STK32B: variants seen among roughly 807,000 people sequenced by gnomAD.
The protein encoded by STK32B is serine/threonine kinase 32B.
A neutral mutation model predicts 52.6 loss-of-function variants in STK32B; 43 were observed. The observed-to-expected ratio is 0.82, with a 90% CI of 0.64 to 1.05. The LOEUF (loss-of-function observed/expected upper bound fraction) is 1.05. Among genes scored for constraint, STK32B ranks in the 50% least tolerant of loss-of-function variants. The pLI, the probability that STK32B is intolerant of heterozygous loss-of-function variation, is 0.00. For missense variants in STK32B, 621 were observed against 534.6 expected (o/e 1.16, Z -1.59); for synonymous variants, 238 against 204.3 (o/e 1.17, Z -1.41).
chr4:5,174,101 T>A (rs997942654), intron 3 of STK32B, among the ~76,000 whole-genome samples: 27 of 152,144 alleles, frequency 1.8e-4, no homozygotes, highest in Non-Finnish European at 2.9e-4. Context: ...AAAGTCTGTT[T>A]TATCTGAGAC....
At chr4:5,129,825 G>T (rs1283019921) in intron 1 of STK32B, among the ~76,000 whole-genome samples, 1 of 152,122 alleles carries the variant, frequency 6.6e-6, no homozygotes, top group African/African-American at 2.4e-5. Context: ...AATGTGTACA[G>T]CCAGCACTCC....
At chr4:5,286,168 A>G (rs1728527625) in intron 3 of STK32B, among the ~76,000 whole-genome samples, 1 of 152,192 alleles carries the variant, frequency 6.6e-6, no homozygotes, top group Non-Finnish European at 1.5e-5. Flanking sequence ...TGGCTGTGGT[A>G]CTTTATTATG....
intron 3 of STK32B, among the ~76,000 whole-genome samples, chr4:5,257,314 GATGAGTGAGCAAGTGA>G (rs1046442428): frequency 3.9e-5 from 6 of 151,908 alleles, no homozygotes; most frequent in Admixed American, 6.6e-5. Flanking sequence ...TGAATGAGTA[GATGAGTGAGCAAGTGA>G]ATGAGTGAGC....
intron 1 of STK32B, among the ~76,000 whole-genome samples, chr4:5,054,246 T>C (rs918590586): frequency 1.3e-5 from 2 of 152,066 alleles, no homozygotes; most frequent in African/African-American, 2.4e-5. Context: ...AACAATTTGC[T>C]CCCAGAGCAA....
Position 5,467,916 on chromosome 4 carries a change from T to C in STK32B, c.1042-90T>C. 2 of 1,439,134 alleles carry C rather than the reference T, an allele frequency of 1.4e-6. No homozygotes were observed. The highest frequency in any genetic ancestry group is 1.9e-6 in the Non-Finnish European group (2 of 1,025,948). 89.1% of individuals were successfully genotyped at this position (1,439,134 alleles called of 1,614,324 possible). ...GTCCCAAGCATCTGAGGTTTCCATC[T>C]AGGTCAGTCTGCCGTCCTGTGATGC... On this transcript the variant is annotated intron_variant, in intron 10 of 11. Coordinates refer to ENST00000282908, the MANE Select transcript of STK32B (RefSeq NM_018401.3). The surrounding 1 kb of genome is among the most constrained non-coding windows in gnomAD (Gnocchi z 5.8).
At chr4:5,314,100 C>A (rs975154588) in intron 3 of STK32B, among the ~76,000 whole-genome samples, 1 of 145,910 alleles carries the variant, frequency 6.9e-6, no homozygotes, top group Non-Finnish European at 1.5e-5. Flanking sequence ...GTCACAGGGT[C>A]TATAATAGCT....
At chr4:5,279,473 A>G (rs1010272596) in intron 3 of STK32B, among the ~76,000 whole-genome samples, 8 of 152,188 alleles carry the variant, frequency 5.3e-5, no homozygotes, top group Admixed American at 2.0e-4. Context: ...TATGGAGGGT[A>G]CAACCCCCAC....
chr4:5,165,489 C>T (rs140298799), intron 2 of STK32B, among the ~76,000 whole-genome samples: 1 of 152,326 alleles, frequency 6.6e-6, no homozygotes, highest in Non-Finnish European at 1.5e-5. Flanking sequence ...GCTACACAGA[C>T]TGTCTCCCAG....
rs546619677 is a variant in STK32B, at chr4:5,451,050, A to G, written c.666+4274A>G. Among the ~76,000 whole-genome samples the G allele has an allele frequency of 1.1e-4, 17 of 152,362 alleles. No homozygotes were observed. In the South Asian group the frequency reaches 3.3e-3, roughly 30 times the overall value. ...CTTCCTCATTCACAAAAGAAGGTTT[A>G]TCAGGCCCACCTGCAGGGTCATGTG... On this transcript the variant is annotated intron_variant, in intron 7 of 11. Transcript: ENST00000282908.
chr4:5,425,818 T>C lies in STK32B; in HGVS notation c.562+8884T>C, dbSNP rs1052406378. Among the ~76,000 whole-genome samples, 4 of 152,184 alleles carry C rather than the reference T, an allele frequency of 2.6e-5. No homozygotes were observed. In the East Asian group the frequency reaches 5.8e-4, roughly 22 times the overall value. On this transcript the variant is annotated intron_variant, in intron 6 of 11. Coordinates refer to ENST00000282908, the MANE Select transcript of STK32B (RefSeq NM_018401.3). ...ATTCCCAGTCCCTGGCAACCAGCAA[T>C]TGATTTTCTACCCCTATGATTCTGC...
intron 3 of STK32B, among the ~76,000 whole-genome samples, chr4:5,228,060 A>C (rs970123444): frequency 6.6e-6 from 1 of 152,238 alleles, no homozygotes; most frequent in East Asian, 1.9e-4. Context: ...TTCATGAATA[A>C]TATTCCAAGA....
At chr4:5,242,985 G>C (rs1480735462) in intron 3 of STK32B, among the ~76,000 whole-genome samples, 8 of 152,192 alleles carry the variant, frequency 5.3e-5, no homozygotes, top group Non-Finnish European at 1.0e-4. Context: ...CTGTAGCCTT[G>C]TAGTATGGTT....
At chr4:5,333,966 T>C (rs961194198) in intron 4 of STK32B, among the ~76,000 whole-genome samples, 2 of 152,200 alleles carry the variant, frequency 1.3e-5, no homozygotes, top group African/African-American at 4.8e-5. Flanking sequence ...CGAGCTCTTT[T>C]TTGGTTCCAT....
At chr4:5,131,985 G>A (rs1368430012) in intron 1 of STK32B, among the ~76,000 whole-genome samples, 2 of 152,134 alleles carry the variant, frequency 1.3e-5, no homozygotes, top group Non-Finnish European at 2.9e-5. Context: ...GATTGTACAG[G>A]TAGCCTTTAA....
chr4:5,392,326 T>G (rs1316027210), intron 4 of STK32B, among the ~76,000 whole-genome samples: 2 of 152,140 alleles, frequency 1.3e-5, no homozygotes, highest in East Asian at 3.9e-4. Flanking sequence ...CTTGGGAAGC[T>G]GAGGCATGAG....
chr4:5,136,335 G>A (rs538805123), intron 1 of STK32B, among the ~76,000 whole-genome samples: 71 of 152,296 alleles, frequency 4.7e-4, no homozygotes, highest in African/African-American at 1.4e-3. Context: ...GCAGCAGTGC[G>A]TTTCCCATTT....
intron 1 of STK32B, among the ~76,000 whole-genome samples, chr4:5,066,944 A>G (rs781563115): frequency 6.6e-6 from 1 of 152,204 alleles, no homozygotes; most frequent in Non-Finnish European, 1.5e-5. Flanking sequence ...AGCATTGAAC[A>G]CAGTTGTAAT....
At chr4:5,480,630 G>A (rs1054331654) in intron 11 of STK32B, among the ~76,000 whole-genome samples, 62 of 151,868 alleles carry the variant, frequency 4.1e-4, no homozygotes, top group African/African-American at 1.9e-4. Flanking sequence ...TGTGCACAAC[G>A]TGCAGGTTAG....
At chr4:5,070,382 G>A (rs1393910938) in intron 1 of STK32B, among the ~76,000 whole-genome samples, 3 of 152,256 alleles carry the variant, frequency 2.0e-5, no homozygotes, top group South Asian at 2.1e-4. Context: ...CCTATGGAGA[G>A]ACTGGGGGCT....
Sources: allele counts gnomAD v4.1 joint callset (sites outside exome capture counted in the v4.1 genomes callset), GRCh38; gene constraint gnomAD v4.1.1; non-coding constraint Gnocchi (gnomAD v3.1); transcripts MANE v1.5; gene names NCBI Gene and HGNC (gene_info 2026-07-23, HGNC 2026-07-21).